TLN1: variants seen among roughly 807,000 people sequenced by gnomAD.
TLN1 encodes talin 1.
A neutral mutation model predicts 292.3 loss-of-function variants in TLN1; 56 were observed. The ratio of observed to expected loss-of-function variants is 0.19; its 90% CI spans 0.15 to 0.24. The LOEUF is 0.24. Ranked by LOEUF, TLN1 falls within the 10% of genes least tolerant of loss-of-function variation. TLN1 has a pLI of 1.00. For synonymous variants in TLN1, 1,119 were observed against 1,253.7 expected, an observed-to-expected ratio of 0.89 and a Z score of 2.27; for missense variants, 2,433 against 3,248.2, an observed-to-expected ratio of 0.75 and a Z score of 6.10.
At chr9:35,705,885 T>A in intron 41 of TLN1, 34 bp from the exon 42 acceptor site, 1 of 1,614,092 alleles carries the variant, frequency 6.2e-7, no homozygotes, top group East Asian at 2.2e-5. Context: ...GGAAAGACTG[T>A]TAGGGTCTCT....
Position 35,704,351 on chromosome 9 carries a change from C to G in TLN1, c.6028G>C (p.Glu2010Gln), listed in dbSNP as rs938264529. ...TCTTACCGGTGGTCAGCGAAAGTTT[C>G]AGTACCCTCACGATTGAGCGTGCCA... ...TAGTLNREGT[E>Q]TFADHREGIL... The change falls in exon 45 of 57, where the codon GAA becomes CAA. Residue 2010 changes from glutamate (E) to glutamine (Q), a missense_variant. Glu to Gln is a conservative substitution (Grantham distance 29, BLOSUM62 2). Around this residue, in one of 7 missense-constraint regions of TLN1, gnomAD observed 1,384 missense variants for 1,699.6 expected, o/e 0.81. Transcript: ENST00000314888. This position sits in a 1 kb window ranked among gnomAD's most constrained non-coding sequence, Gnocchi z 6.9. 6.2e-7 allele frequency: 1 copy of G among 1,613,580 alleles called. No individual in the cohort carries two copies. Among genetic ancestry groups the G allele is most frequent in the Non-Finnish European group, 8.5e-7 (1 of 1,179,790 alleles).
chr9:35,717,250 A>G lies in TLN1; in HGVS notation c.2354T>C (p.Val785Ala), dbSNP rs374670309. Residue 785 changes from valine to alanine, a missense_variant, in exon 19 of 57, where the codon GTG (valine) becomes GCG (alanine). This residue lies in a region of TLN1 where 617 missense variants were observed against 770.6 expected (regional missense o/e 0.80). Coordinates refer to ENST00000314888, the MANE Select transcript of TLN1 (RefSeq NM_006289.4). The surrounding 1 kb of genome is among the most constrained non-coding windows in gnomAD (Gnocchi z 4.7). ...CCCAGCCCCTGTGGCATGGGCTTTC[A>G]CATGCTGCAGCAGCTCATTTAGGGC... ...TQALNELLQH[V>A]KAHATGAGPA... is the part of the protein sequence containing the mutation. 1.1e-5 allele frequency: 17 copies of G among 1,614,164 alleles called. No individual in the cohort carries two copies. In the African/African-American group the frequency reaches 2.1e-4, roughly 20 times the overall value.
At chr9:35,711,449 A>G in intron 29 of TLN1, 55 bp from the exon 30 acceptor site, 1 of 1,611,288 alleles carries the variant, frequency 6.2e-7, no homozygotes. Flanking sequence ...TCTGTCTCTA[A>G]AAGGGATCTT....
Position 35,719,985 on chromosome 9 carries a change from C to T in TLN1, c.1464+54G>A. On this transcript the variant is annotated intron_variant, in intron 13 of 56. Transcript: ENST00000314888. The surrounding 1 kb of genome is among the most constrained non-coding windows in gnomAD (Gnocchi z 4.6). ...AAGACTGCCTAACTCCTGGCTCGGC[C>T]CAGCTGAGGGTGAGAGAAGGGCCCT... 6.3e-7 allele frequency: 1 copy of T among 1,584,388 alleles called. No individual in the cohort carries two copies. Among genetic ancestry groups the T allele is most frequent in the Non-Finnish European group, 8.6e-7 (1 of 1,163,644 alleles).
chr9:35,698,835 G>A lies in TLN1; in HGVS notation c.7098C>T (p.Ala2366=). 6.2e-7 allele frequency: 1 copy of A among 1,614,108 alleles called. No homozygotes were observed. Among genetic ancestry groups the A allele is most frequent in the Non-Finnish European group, 8.5e-7 (1 of 1,180,026 alleles). Residue 2366 remains alanine, a synonymous_variant, in exon 53 of 57, where the codon GCC becomes GCT. Transcript: ENST00000314888. This position sits in a 1 kb window ranked among gnomAD's most constrained non-coding sequence, Gnocchi z 5.3. ...TCCCTTGGGCCACTAGTTCTCTCTG[G>A]GCAGCCGACGCAGCCTTTACCAGTG... ...TSALVKAASA[A]QRELVAQGKV...
At chr9:35,718,938 C>T in intron 16 of TLN1, 28 bp from the exon 17 acceptor site, 1 of 1,607,798 alleles carries the variant, frequency 6.2e-7, no homozygotes, top group Non-Finnish European at 8.5e-7. Context: ...CAGTCAGAAG[C>T]TGCCCAATCC....
In TLN1 at chr9:35,700,249, A is replaced by G. The variant is rs1019489575; in HGVS notation, c.6602T>C (p.Val2201Ala). The G allele has an allele frequency of 6.2e-7, 1 of 1,613,082 alleles. No individual in the cohort carries two copies. Among genetic ancestry groups the G allele is most frequent in the African/African-American group, 1.3e-5 (1 of 74,936 alleles). The change falls in exon 49 of 57, where the codon GTC becomes GCC. Residue 2201 changes from valine to alanine, a missense_variant. Val to Ala is a moderately conservative substitution (Grantham distance 64). Around this residue, in one of 7 missense-constraint regions of TLN1, gnomAD observed 1,384 missense variants for 1,699.6 expected, o/e 0.81. Transcript: ENST00000314888. ...GCGGCTCAGATTGGCTGTGGCAATG[A>G]CATCTTCCTGGCGACAGGAATTGCC... is the stretch of plus-strand genomic sequence containing the variant. ...AAGNSCRQED[V>A]IATANLSRRA...
In TLN1 at chr9:35,708,361, G is replaced by A. The variant is rs375040162; in HGVS notation, c.4450C>T (p.Pro1484Ser). The A allele has an allele frequency of 1.2e-5, 19 of 1,609,670 alleles. No individual in the cohort carries two copies. The highest frequency in any genetic ancestry group is 1.6e-5 in the Non-Finnish European group (19 of 1,177,634). ...GTTACCTGGGCCTGGGTACAGCCAGGCTCTCCCAAACTCTGGCAGGCCATC... is the reference window on the plus strand; with the variant it reads ...GTTACCTGGGCCTGGGTACAGCCAGACTCTCCCAAACTCTGGCAGGCCATC... ...IQMACQSLGE[P>S]GCTQAQVLSA... The change falls in exon 34 of 57, where the codon CCT becomes TCT. Residue 1484 changes from proline (P) to serine (S), a missense_variant. This residue lies in a region of TLN1 where 1,384 missense variants were observed against 1,699.6 expected (regional missense o/e 0.81). Transcript: ENST00000314888.
chr9:35,711,972 C>T (rs1273988058), intron 28 of TLN1, 33 bp downstream of exon 28: 1 of 1,610,232 alleles, frequency 6.2e-7, no homozygotes, highest in Admixed American at 1.7e-5. Context: ...TTCTTTGACT[C>T]CTACGTTCCC....
chr9:35,730,383 A>C (rs184033729), intron 1 of TLN1, among the ~76,000 whole-genome samples: 74 of 151,522 alleles, frequency 4.9e-4, no homozygotes, highest in South Asian at 8.3e-4. Context: ...GGGATCAGCA[A>C]GACCCAGTTT....
chr9:35,717,909 A>G lies in TLN1; in HGVS notation c.1996-123T>C. 1 of 1,192,460 alleles carries G rather than the reference A, an allele frequency of 8.4e-7. No homozygotes were observed. Among genetic ancestry groups the G allele is most frequent in the Non-Finnish European group, 1.2e-6 (1 of 863,236 alleles). 73.9% of individuals were successfully genotyped at this position (1,192,460 alleles called of 1,614,324 possible). ...ATCAAAGGAGAGTGTACGCAGAAGCAACCAGAACCTACCCCGAGCTACTGC... is the reference window on the plus strand; with the variant it reads ...ATCAAAGGAGAGTGTACGCAGAAGCGACCAGAACCTACCCCGAGCTACTGC... On this transcript the variant is annotated intron_variant, in intron 17 of 56. Coordinates refer to ENST00000314888, the MANE Select transcript of TLN1 (RefSeq NM_006289.4). The surrounding 1 kb of genome is among the most constrained non-coding windows in gnomAD (Gnocchi z 4.7).
rs1159507712 is a variant in TLN1 at position 35,707,928 on chromosome 9, G to A, written c.4471-36C>T. ...ACATGGAAGAGCCACGATGAGGGCA[G>A]GAAGGAGGTGTACATACCCAAGGAG... is the stretch of plus-strand genomic sequence containing the variant. On this transcript the variant is annotated intron_variant, in intron 34 of 56. Coordinates refer to ENST00000314888, the MANE Select transcript of TLN1 (RefSeq NM_006289.4). This position sits in a 1 kb window ranked among gnomAD's most constrained non-coding sequence, Gnocchi z 5.6. The A allele has an allele frequency of 5.6e-6, 9 of 1,609,394 alleles. No homozygotes were observed. Among genetic ancestry groups the A allele is most frequent in the Non-Finnish European group, 7.6e-6 (9 of 1,177,112 alleles).
rs553263891 is a variant in TLN1 at position 35,719,014 on chromosome 9, G to A, written c.1896+60C>T. The A allele has an allele frequency of 2.0e-4, 316 of 1,595,404 alleles. 1 individual carries two copies. The African/African-American group carries it at 3.9e-3, about 20-fold the overall frequency. ...AGGCTTCCATCCTGTGGCTTGGACT[G>A]CCCCTTCTCCTTGGGCTTGAACCCT... On this transcript the variant is annotated intron_variant, in intron 16 of 56. Transcript: ENST00000314888. The surrounding 1 kb of genome is among the most constrained non-coding windows in gnomAD (Gnocchi z 4.6).
Position 35,699,974 on chromosome 9 carries a change from C to T in TLN1, c.6768G>A (p.Leu2256=). ...AGGAACAAGCAACGCCCTCCCTTAC[C>T]AGCAGTACATGGTCCAGCAGTTCCA... is the stretch of plus-strand genomic sequence containing the variant. ...GYLELLDHVL[L]TLQKPSPELK... The change falls in exon 50 of 57, where the codon CTG becomes CTA. Residue 2256 remains leucine, a splice_region_variant and synonymous_variant. Coordinates refer to ENST00000314888, the MANE Select transcript of TLN1 (RefSeq NM_006289.4). This position sits in a 1 kb window ranked among gnomAD's most constrained non-coding sequence, Gnocchi z 4.0. 1 of 1,607,900 alleles carries T rather than the reference C, an allele frequency of 6.2e-7. No individual in the cohort carries two copies. Among genetic ancestry groups the T allele is most frequent in the South Asian group, 1.1e-5 (1 of 90,704 alleles).
chr9:35,715,285 A>G, intron 20 of TLN1, 98 bp from the exon 21 acceptor site: 1 of 1,477,106 alleles, frequency 6.8e-7, no homozygotes, highest in Non-Finnish European at 9.0e-7. Flanking sequence ...AAATTCATGT[A>G]TTTTCCTGAA....
Position 35,717,291 on chromosome 9 carries a change from G to C in TLN1, c.2313C>G (p.Ala771=). 1 of 1,614,164 alleles carries C rather than the reference G, an allele frequency of 6.2e-7. No individual in the cohort carries two copies. Among genetic ancestry groups the C allele is most frequent in the Non-Finnish European group, 8.5e-7 (1 of 1,180,044 alleles). ...CATTTAGGGCCTGGGTGACAGCTGT[G>C]GCTGCTGCTCCTACCCCTCGCAACA... The part of the protein sequence containing the change: ...GQLLRGVGAA[A]TAVTQALNEL... The change falls in exon 19 of 57, where the codon GCC becomes GCG. Residue 771 remains alanine (A), a synonymous_variant. Coordinates refer to ENST00000314888, the MANE Select transcript of TLN1 (RefSeq NM_006289.4). This position sits in a 1 kb window ranked among gnomAD's most constrained non-coding sequence, Gnocchi z 4.7.
chr9:35,722,836 A>G (rs762766303), intron 8 of TLN1, 25 bp downstream of exon 8: 6 of 1,612,504 alleles, frequency 3.7e-6, no homozygotes, highest in Non-Finnish European at 5.1e-6. Context: ...GGTCATCCCA[A>G]ATACTTTCCC....
rs752070581 is a variant in TLN1, at chr9:35,707,290, G to A, written c.4774-37C>T. On this transcript the variant is annotated intron_variant, in intron 36 of 56. Coordinates refer to ENST00000314888, the MANE Select transcript of TLN1 (RefSeq NM_006289.4). This position sits in a 1 kb window ranked among gnomAD's most constrained non-coding sequence, Gnocchi z 5.6. Reference sequence around the variant, plus strand: ...GGAGGCAGGAAGGTAAGTCTCAGGAGTCCCTGGAAGATGAGGTGATAAGCT... The same window carrying A: ...GGAGGCAGGAAGGTAAGTCTCAGGAATCCCTGGAAGATGAGGTGATAAGCT... 7.5e-6 allele frequency: 12 copies of A among 1,607,132 alleles called. No homozygotes were observed. The highest frequency in any genetic ancestry group is 9.4e-6 in the Non-Finnish European group (11 of 1,174,996).
At chr9:35,729,820 G>A (rs540836375) in intron 1 of TLN1, among the ~76,000 whole-genome samples, 11 of 152,268 alleles carry the variant, frequency 7.2e-5, no homozygotes, top group African/African-American at 2.4e-4. Context: ...AGGTTGGGCA[G>A]AGAATGTGAG....
Sources: gnomAD v4.1 joint callset for allele counts (sites outside exome capture counted in the v4.1 genomes callset) on GRCh38, gnomAD v4.1.1 for gene constraint, gnomAD v4.1.1 regional missense constraint, Gnocchi (gnomAD v3.1) non-coding constraint, MANE v1.5 for transcripts, NCBI Gene and HGNC (gene_info 2026-07-23, HGNC 2026-07-21) for gene names.